Variants in SMURF1 observed in about 807,000 individuals in gnomAD.
SMURF1 encodes E3 ubiquitin-protein ligase SMURF1.
Under a neutral mutation model 98.0 loss-of-function variants are expected in SMURF1, and 44 were observed. The observed-to-expected ratio is 0.45, with a 90% CI of 0.35 to 0.58. The LOEUF is 0.58. SMURF1 is among the 20% of genes least tolerant of loss of function. SMURF1 has a pLI of 0.00. For missense variants in SMURF1, 687 were observed against 938.4 expected (o/e 0.73, Z 3.50); for synonymous variants, 396 against 374.9 (o/e 1.06, Z -0.65).
chr7:99,030,382 A>G lies in SMURF1; in HGVS notation c.*202T>C, dbSNP rs1327551371. ...GGTGATGGAAGTGGGTGGGAGTACT[A>G]TGGTAAAGGAGGGATATATGGGTGG... On this transcript the variant is annotated 3_prime_UTR_variant, in exon 18 of 18. Coordinates refer to ENST00000361368, the MANE Select transcript of SMURF1 (RefSeq NM_181349.3). The G allele has an allele frequency of 7.0e-6, 4 of 571,146 alleles. No homozygotes were observed. The highest frequency in any genetic ancestry group is 1.3e-5 in the Non-Finnish European group (4 of 318,342). The allele number at this position is 571,146 out of a possible 1,614,324, so 35.4% of individuals were successfully genotyped here.
At chr7:99,085,141 A>G (rs1345731890) in intron 1 of SMURF1, among the ~76,000 whole-genome samples, 2 of 152,042 alleles carry the variant, frequency 1.3e-5, no homozygotes, top group African/African-American at 4.8e-5. Flanking sequence ...ACCTGAGGTC[A>G]GGAGTTCGAG....
At chr7:99,135,441 A>G (rs1243123523) in intron 1 of SMURF1, among the ~76,000 whole-genome samples, 4 of 152,212 alleles carry the variant, frequency 2.6e-5, no homozygotes, top group Non-Finnish European at 5.9e-5. Context: ...ATACAGACCT[A>G]TCTATAGATT....
At chr7:99,092,453 G>T (rs1462578877) in intron 1 of SMURF1, among the ~76,000 whole-genome samples, 1 of 152,166 alleles carries the variant, frequency 6.6e-6, no homozygotes, top group Non-Finnish European at 1.5e-5. Flanking sequence ...ACAGATGTTT[G>T]CAGAGCAACA....
chr7:99,040,476 G>A lies in SMURF1; in HGVS notation c.1452C>T (p.Phe484=), dbSNP rs1303208868. The A allele has an allele frequency of 1.9e-6, 3 of 1,590,646 alleles. No individual in the cohort carries two copies. The African/African-American group carries it at 4.1e-5, about 22-fold the overall frequency. The part of the protein sequence containing the change: ...VFHGHYINGG[F]TVPFYKQLLG... ...GCAGCTGCTTGTAGAAGGGCACTGTGAAGCCCCCGTTGATGTAGTGTCCAT... is the reference window on the plus strand; with the variant it reads ...GCAGCTGCTTGTAGAAGGGCACTGTAAAGCCCCCGTTGATGTAGTGTCCAT... The change falls in exon 13 of 18, where the codon TTC becomes TTT. Residue 484 remains phenylalanine (F), a synonymous_variant. Coordinates refer to ENST00000361368, the MANE Select transcript of SMURF1 (RefSeq NM_181349.3).
rs1397916310 is a variant in SMURF1, at chr7:99,027,776, C to A, written c.*2808G>T. 6.6e-6 allele frequency: 1 copy of A among 152,426 alleles called. No homozygotes were observed. Among genetic ancestry groups the A allele is most frequent in the East Asian group, 1.9e-4 (1 of 5,194 alleles). 9.4% of individuals were successfully genotyped at this position (152,426 alleles called of 1,614,324 possible). Reference sequence around the variant, plus strand: ...TCCATACTATGTTTCGGGAAGGCTGCCGTGTGGCACACACCTGGCTGCAGA... The same window carrying A: ...TCCATACTATGTTTCGGGAAGGCTGACGTGTGGCACACACCTGGCTGCAGA... On this transcript the variant is annotated 3_prime_UTR_variant, in exon 18 of 18. Transcript: ENST00000361368.
Position 99,035,355 on chromosome 7 carries a change from G to A in SMURF1, c.2011+160C>T, listed in dbSNP as rs1277814440. On this transcript the variant is annotated intron_variant, in intron 16 of 17. Transcript: ENST00000361368. ...CCTGCTCACACACGGCCCCTGCCAG[G>A]TAACCACCTCTGTAGGGCAGAGCAT... 5.4e-6 allele frequency: 5 copies of A among 925,294 alleles called. No homozygotes were observed. In the Admixed American group the frequency reaches 1.3e-4, roughly 23 times the overall value. 57.3% of individuals were successfully genotyped at this position (925,294 alleles called of 1,614,324 possible).
At chr7:99,121,143 T>TA (rs1797607697) in intron 1 of SMURF1, 1 of 149,800 alleles carries the variant, frequency 6.7e-6, no homozygotes, top group Admixed American at 6.7e-5. Flanking sequence ...ACCATCTACT[T>TA]ACCAGTTCTG....
intron 13 of SMURF1, 21 bp downstream of exon 13, chr7:99,040,338 GGGCCCTAAGCCAGGTGACC>G (rs1795330419): frequency 7.0e-7 from 1 of 1,421,894 alleles, no homozygotes; most frequent in South Asian, 1.7e-5. Flanking sequence ...ACGTGGTGGT[GGGCCCTAAGCCAGGTGACC>G]GGCCGTCAGT....
intron 1 of SMURF1, among the ~76,000 whole-genome samples, chr7:99,112,849 G>A (rs1339039814): frequency 6.6e-6 from 1 of 151,962 alleles, no homozygotes; most frequent in African/African-American, 2.4e-5. Context: ...AAAAATTCTG[G>A]GTTTGAAAAG....
At chr7:99,063,281 A>ATATATATAAGATT (rs1796105003) in intron 1 of SMURF1, among the ~76,000 whole-genome samples, 2 of 18,776 alleles carry the variant, frequency 1.1e-4, no homozygotes, top group Non-Finnish European at 1.5e-4. Context: ...ATATATATAT[A>ATATATATAAGATT]TATATATATA....
intron 1 of SMURF1, among the ~76,000 whole-genome samples, chr7:99,066,614 C>CA (rs1285921976): frequency 1.3e-5 from 2 of 151,818 alleles, no homozygotes; most frequent in Non-Finnish European, 2.9e-5. Flanking sequence ...CCCATCTCTA[C>CA]AAAAAATACA....
chr7:99,036,943 G>C, intron 15 of SMURF1, 124 bp downstream of exon 15: 1 of 1,449,612 alleles, frequency 6.9e-7, no homozygotes. Flanking sequence ...TCTAGTCTGG[G>C]AACCCCAGCA....
At chr7:99,065,836 A>G (rs927034506) in intron 1 of SMURF1, among the ~76,000 whole-genome samples, 1 of 152,126 alleles carries the variant, frequency 6.6e-6, no homozygotes, top group Admixed American at 6.5e-5. Context: ...TCACGAGGTC[A>G]AGAGATCGAG....
intron 1 of SMURF1, among the ~76,000 whole-genome samples, chr7:99,103,040 C>T (rs963249660): frequency 6.6e-6 from 1 of 152,066 alleles, no homozygotes; most frequent in African/African-American, 2.4e-5. Flanking sequence ...CTGAGTCAAG[C>T]GATCCACCCA....
chr7:99,045,321 G>A (rs999720916), intron 11 of SMURF1, among the ~76,000 whole-genome samples: 3 of 152,120 alleles, frequency 2.0e-5, no homozygotes, highest in African/African-American at 7.2e-5. Context: ...TGCAATCCCT[G>A]CCCTGCTCCC....
At chr7:99,133,392 GAAAA>G (rs377261377) in intron 1 of SMURF1, among the ~76,000 whole-genome samples, 1 of 134,088 alleles carries the variant, frequency 7.5e-6, no homozygotes, top group East Asian at 2.2e-4. Flanking sequence ...AATTAAAAAA[GAAAA>G]AAAAAAGGTC....
intron 1 of SMURF1, among the ~76,000 whole-genome samples, chr7:99,071,047 G>C (rs1390044315): frequency 6.7e-6 from 1 of 148,962 alleles, no homozygotes; most frequent in African/African-American, 2.4e-5. Flanking sequence ...CTAAAGTCCA[G>C]AGGGCATTTG....
chr7:99,141,612 G>A (rs1308781001), intron 1 of SMURF1, among the ~76,000 whole-genome samples: 1 of 152,118 alleles, frequency 6.6e-6, no homozygotes, highest in Non-Finnish European at 1.5e-5. Context: ...TACCTCCTAC[G>A]TTACAAAACC....
intron 1 of SMURF1, among the ~76,000 whole-genome samples, chr7:99,103,554 CAG>C (rs1201013820): frequency 9.2e-5 from 14 of 152,118 alleles, no homozygotes; most frequent in African/African-American, 3.1e-4. Flanking sequence ...ATATGGAAAC[CAG>C]AGTCTTTTCA....
Sources: gnomAD v4.1 joint callset for allele counts (sites outside exome capture counted in the v4.1 genomes callset) on GRCh38, gnomAD v4.1.1 for gene constraint, MANE v1.5 for transcripts, NCBI Gene and HGNC (gene_info 2026-07-23, HGNC 2026-07-21) for gene names.